Variants in TAFA2 observed in about 807,000 individuals in gnomAD.
TAFA2 encodes TAFA chemokine like family member 2.
A neutral mutation model predicts 18.8 loss-of-function variants in TAFA2; 7 were observed. That is an observed-to-expected ratio of 0.37 (90% CI 0.21 to 0.70). The LOEUF is 0.70. Ranked by LOEUF, TAFA2 falls within the 30% of genes least tolerant of loss-of-function variation. TAFA2 has a pLI of 0.53. For synonymous variants in TAFA2, 60 were observed against 54.2 expected (o/e 1.11, Z -0.47); for missense variants, 122 against 158.1 (o/e 0.77, Z 1.23).
At chr12:62,235,553 C>T (rs1234121092) in intron 1 of TAFA2, 3 of 386,238 alleles carry the variant, frequency 7.8e-6, no homozygotes, top group Non-Finnish European at 1.4e-5. Flanking sequence ...GCTGAACAGA[C>T]AGGGAGCAAC....
rs34781688 is a variant in TAFA2, at chr12:62,233,066, C to CTTTTTTTTTTTTTT, written c.-130+25683_-130+25696dup. Among the ~76,000 whole-genome samples the CTTTTTTTTTTTTTT allele has an allele frequency of 3.3e-4, 13 of 39,574 alleles. 5 individuals carry two copies. Among genetic ancestry groups the CTTTTTTTTTTTTTT allele is most frequent in the Admixed American group, 9.8e-4 (2 of 2,038 alleles). The allele number at this position is 39,574 out of a possible 152,430, so 26.0% of individuals were successfully genotyped here. A position where few individuals can be genotyped will look rare whatever the true frequency, so the allele number is the denominator to read the frequency against. ...TGTCCTCCCAGCAATTTCTGCATCT[C>CTTTTTTTTTTTTTT]TTTTTTTTTTTTTTTTTTTTTTTTT... On this transcript the variant is annotated intron_variant, in intron 1 of 5. Transcript: ENST00000551619.
At chr12:62,030,283 G>C (rs1285711671) in intron 1 of TAFA2, among the ~76,000 whole-genome samples, 1 of 152,122 alleles carries the variant, frequency 6.6e-6, no homozygotes, top group East Asian at 1.9e-4. Flanking sequence ...GGAAGATAAG[G>C]TCATGGAGAA....
intron 2 of TAFA2, among the ~76,000 whole-genome samples, chr12:61,806,098 C>G (rs1005501947): frequency 6.6e-6 from 1 of 152,118 alleles, no homozygotes; most frequent in Non-Finnish European, 1.5e-5. Flanking sequence ...TTGCAGAGGA[C>G]ATGTATGATT....
intron 2 of TAFA2, among the ~76,000 whole-genome samples, chr12:61,865,434 G>T (rs1272359850): frequency 6.6e-6 from 1 of 152,164 alleles, no homozygotes; most frequent in Admixed American, 6.5e-5. Context: ...ACAAAAGGAA[G>T]AAAGATGGAG....
chr12:62,152,648 G>T (rs2062336833), intron 1 of TAFA2, among the ~76,000 whole-genome samples: 1 of 152,174 alleles, frequency 6.6e-6, no homozygotes, highest in Non-Finnish European at 1.5e-5. Flanking sequence ...GAGGCATAAA[G>T]CTCTGATGGG....
intron 2 of TAFA2, among the ~76,000 whole-genome samples, chr12:61,805,544 T>C (rs1871575703): frequency 6.6e-6 from 1 of 152,148 alleles, no homozygotes; most frequent in South Asian, 2.1e-4. Flanking sequence ...TGTTAAACTC[T>C]GGTAACACTA....
At chr12:61,817,133 C>T (rs11174186) in intron 2 of TAFA2, among the ~76,000 whole-genome samples, 1 of 151,872 alleles carries the variant, frequency 6.6e-6, no homozygotes, top group African/African-American at 2.4e-5. Flanking sequence ...ATCTTATATG[C>T]TACATGAGGA....
At chr12:62,236,492 C>T (rs1284225234) in intron 1 of TAFA2, among the ~76,000 whole-genome samples, 1 of 152,086 alleles carries the variant, frequency 6.6e-6, no homozygotes, top group Non-Finnish European at 1.5e-5. Flanking sequence ...GTCTCCATCT[C>T]CTGACCTCGT....
In TAFA2 at chr12:62,202,215, T is replaced by A. The variant is rs575975095; in HGVS notation, c.-130+56548A>T. 5.9e-5 allele frequency among the ~76,000 whole-genome samples: 9 copies of A among 152,186 alleles called. No homozygotes were observed. The South Asian group carries it at 1.9e-3, about 32-fold the overall frequency. Reference sequence around the variant, plus strand: ...CCTGGATTAGCTGATTTTTTAAGGGTTTTTCATATCCCTATCTACTTCATT... The same window carrying A: ...CCTGGATTAGCTGATTTTTTAAGGGATTTTCATATCCCTATCTACTTCATT... On this transcript the variant is annotated intron_variant, in intron 1 of 5. Coordinates refer to the TAFA2 transcript ENST00000551619.
At chr12:61,906,301 C>G (rs912789844) in intron 1 of TAFA2, among the ~76,000 whole-genome samples, 2 of 152,140 alleles carry the variant, frequency 1.3e-5, no homozygotes, top group Non-Finnish European at 2.9e-5. Context: ...GTAACTGAAT[C>G]ATGGGGGTGG....
chr12:61,785,563 T>G (rs1870703585), intron 2 of TAFA2, among the ~76,000 whole-genome samples: 1 of 151,472 alleles, frequency 6.6e-6, no homozygotes. Flanking sequence ...AATGAAATAA[T>G]AACTATAAAT....
chr12:61,834,796 A>G (rs936399756), intron 2 of TAFA2, among the ~76,000 whole-genome samples: 1 of 152,084 alleles, frequency 6.6e-6, no homozygotes, highest in Non-Finnish European at 1.5e-5. Context: ...TCTTGATTAA[A>G]TGACAACCAT....
chr12:62,081,563 C>T (rs11174300), intron 1 of TAFA2, among the ~76,000 whole-genome samples: 8,665 of 152,088 alleles, frequency 0.057, 343 homozygotes, highest in South Asian at 0.09. Flanking sequence ...CGACTCACTA[C>T]AACCTCCGCC....
At chr12:62,055,271 A>G (rs573625200) in intron 1 of TAFA2, among the ~76,000 whole-genome samples, 1 of 152,222 alleles carries the variant, frequency 6.6e-6, no homozygotes, top group Non-Finnish European at 1.5e-5. Flanking sequence ...GGTCATTTGT[A>G]TTTTGTTACA....
At chr12:61,882,212 C>G (rs886887493) in intron 1 of TAFA2, among the ~76,000 whole-genome samples, 5 of 152,068 alleles carry the variant, frequency 3.3e-5, no homozygotes, top group Admixed American at 2.0e-4. Context: ...TGTTTCTACT[C>G]TACACTTTAG....
chr12:61,916,966 T>C (rs1876845655), intron 1 of TAFA2, among the ~76,000 whole-genome samples: 1 of 152,242 alleles, frequency 6.6e-6, no homozygotes, highest in Non-Finnish European at 1.5e-5. Flanking sequence ...ACTCACATCA[T>C]TGTCATTCAT....
intron 1 of TAFA2, among the ~76,000 whole-genome samples, chr12:62,118,848 A>C (rs1220359947): frequency 6.6e-6 from 1 of 152,130 alleles, no homozygotes; most frequent in East Asian, 1.9e-4. Context: ...CTTAACACCA[A>C]TCCTTTGTCC....
At chr12:62,084,219 G>A (rs1051333553) in intron 1 of TAFA2, among the ~76,000 whole-genome samples, 3 of 152,024 alleles carry the variant, frequency 2.0e-5, no homozygotes, top group African/African-American at 7.2e-5. Context: ...CAAATTTACA[G>A]GAAAGCTTTT....
chr12:62,250,808 T>C (rs138556679), intron 1 of TAFA2, among the ~76,000 whole-genome samples: 6 of 152,298 alleles, frequency 3.9e-5, no homozygotes, highest in African/African-American at 1.4e-4. Context: ...CTGATATTAA[T>C]TGAGGTCTTG....
Sources: allele counts gnomAD v4.1 joint callset (sites outside exome capture counted in the v4.1 genomes callset), GRCh38; gene constraint gnomAD v4.1.1; transcripts MANE v1.5; gene names NCBI Gene and HGNC (gene_info 2026-07-23, HGNC 2026-07-21).